Variants in DGCR2 observed in about 807,000 individuals in gnomAD.
DGCR2 encodes the protein DiGeorge syndrome critical region gene 2.
Under a neutral mutation model 51.6 loss-of-function variants are expected in DGCR2, and 24 were observed. That is an observed-to-expected ratio of 0.47 (90% CI 0.34 to 0.65). DGCR2 has a LOEUF of 0.65. Ranked by LOEUF, DGCR2 falls within the 30% of genes least tolerant of loss-of-function variation. The probability of loss-of-function intolerance (pLI) is 0.01; values close to 1 mark genes in which losing one functional copy is unlikely to be tolerated. For synonymous variants in DGCR2, 340 were observed against 315.4 expected, an observed-to-expected ratio of 1.08 and a Z score of -0.82; for missense variants, 765 against 772.1, an observed-to-expected ratio of 0.99 and a Z score of 0.11.
chr22:19,038,750 G>T lies in DGCR2; in HGVS notation c.*115C>A. The T allele has an allele frequency of 7.2e-7, 1 of 1,392,980 alleles. No individual in the cohort carries two copies. Among genetic ancestry groups the T allele is most frequent in the Non-Finnish European group, 9.8e-7 (1 of 1,017,330 alleles). 86.3% of individuals were successfully genotyped at this position (1,392,980 alleles called of 1,614,324 possible). A position where few individuals can be genotyped will look rare whatever the true frequency, so the allele number is the denominator to read the frequency against. Reference sequence around the variant, plus strand: ...GTACACACGCGAGCCCGCCAGTGACGTGCGGCAGTGCGTGGCGTCCAGGCT... The same window carrying T: ...GTACACACGCGAGCCCGCCAGTGACTTGCGGCAGTGCGTGGCGTCCAGGCT... On this transcript the variant is annotated 3_prime_UTR_variant, in exon 10 of 10. Transcript: ENST00000263196.
chr22:19,119,545 G>C (rs1307581229), intron 1 of DGCR2, among the ~76,000 whole-genome samples: 1 of 152,054 alleles, frequency 6.6e-6, no homozygotes, highest in Non-Finnish European at 1.5e-5. Context: ...AGACCAGCCC[G>C]GCCAACATGG....
chr22:19,109,374 A>G (rs1446862805), intron 1 of DGCR2, among the ~76,000 whole-genome samples: 1 of 152,242 alleles, frequency 6.6e-6, no homozygotes, highest in Non-Finnish European at 1.5e-5. Context: ...TACTACTCAC[A>G]ATAACTAAGA....
chr22:19,057,180 G>A lies in DGCR2; in HGVS notation c.626-18C>T, dbSNP rs769052568. 6 of 1,584,512 alleles carry A rather than the reference G, an allele frequency of 3.8e-6. No individual in the cohort carries two copies. Among genetic ancestry groups the A allele is most frequent in the Admixed American group, 1.8e-5 (1 of 55,654 alleles). On this transcript the variant is annotated intron_variant, in intron 5 of 9. Coordinates refer to ENST00000263196, the MANE Select transcript of DGCR2 (RefSeq NM_005137.3). This position sits in a 1 kb window ranked among gnomAD's most constrained non-coding sequence, Gnocchi z 5.1. ...TGAAGAGCCTGTTGGGGAGACAAAA[G>A]GTGGGGCTGGACAACATCACATCAG... is the stretch of plus-strand genomic sequence containing the variant.
intron 1 of DGCR2, among the ~76,000 whole-genome samples, chr22:19,100,778 T>C (rs1203238345): frequency 6.6e-6 from 1 of 152,200 alleles, no homozygotes; most frequent in Admixed American, 6.5e-5. Flanking sequence ...ATGTGGGTTA[T>C]ATCTGTCAAT....
rs563600223 is a variant in DGCR2 at position 19,113,231 on chromosome 22, G to A, written c.79+8897C>T. 3.9e-5 allele frequency among the ~76,000 whole-genome samples: 6 copies of A among 152,060 alleles called. No homozygotes were observed. The South Asian group carries it at 1.0e-3, about 26-fold the overall frequency. ...CTAAAAATACAAAAATTAGCCAGGT[G>A]TGGTGGCGCATGCCTGTAGTTCCAG... On this transcript the variant is annotated intron_variant, in intron 1 of 9. Coordinates refer to ENST00000263196, the MANE Select transcript of DGCR2 (RefSeq NM_005137.3).
In DGCR2 at chr22:19,063,206, G is replaced by C. The variant is rs200855191; in HGVS notation, c.621C>G (p.Phe207Leu). The C allele has an allele frequency of 1.1e-4, 170 of 1,613,944 alleles. No homozygotes were observed. Among genetic ancestry groups the C allele is most frequent in the Non-Finnish European group, 9.2e-5 (108 of 1,179,976 alleles). The change falls in exon 5 of 10, where the codon TTC becomes TTG. Residue 207 changes from phenylalanine to leucine, a missense_variant. Transcript: ENST00000263196. ...CCACACACCAGAAGGGCTCACCTTT[G>C]AATGCCACCTCCCAGCGACCTTCCA... ...RSLEGRWEVAFKGSSEVFLPP... is the reference protein window; with the variant it reads ...RSLEGRWEVALKGSSEVFLPP...
At chr22:19,102,595 A>G (rs373441617) in intron 1 of DGCR2, among the ~76,000 whole-genome samples, 1 of 151,940 alleles carries the variant, frequency 6.6e-6, no homozygotes, top group Non-Finnish European at 1.5e-5. Context: ...CCAGCTACTC[A>G]GGAGGCTGAG....
chr22:19,062,911 T>A (rs569482276), intron 5 of DGCR2, among the ~76,000 whole-genome samples: 11 of 152,110 alleles, frequency 7.2e-5, no homozygotes, highest in Admixed American at 5.2e-4. Flanking sequence ...TGCATGCTCA[T>A]TTTTATACTC....
intron 2 of DGCR2, among the ~76,000 whole-genome samples, chr22:19,074,183 T>TGGGAGA (rs950107114): frequency 1.3e-5 from 2 of 152,094 alleles, no homozygotes; most frequent in Non-Finnish European, 2.9e-5. Context: ...CCCAGAACTT[T>TGGGAGA]GGGAGACCGA....
At chr22:19,062,775 G>GCTCGCGCTCTCGCTCTCTCTGTCTCTCT (rs1491258740) in intron 5 of DGCR2, among the ~76,000 whole-genome samples, 1 of 108,860 alleles carries the variant, frequency 9.2e-6, no homozygotes, top group Non-Finnish European at 1.9e-5. Context: ...ACACATGCAT[G>GCTCGCGCTCTCGCTCTCTCTGTCTCTCT]CTCACTCTCT....
rs1416054063 is a variant in DGCR2, at chr22:19,111,617, T to C, written c.79+10511A>G. 2.0e-5 allele frequency among the ~76,000 whole-genome samples: 3 copies of C among 152,180 alleles called. No homozygotes were observed. The East Asian group carries it at 5.8e-4, about 29-fold the overall frequency. On this transcript the variant is annotated intron_variant, in intron 1 of 9. Coordinates refer to ENST00000263196, the MANE Select transcript of DGCR2 (RefSeq NM_005137.3). Reference sequence around the variant, plus strand: ...AATGAGTCTTGTCAGGTAAAGGGTGTGTAGAACTATACCCAAACTCCCAGG... The same window carrying C: ...AATGAGTCTTGTCAGGTAAAGGGTGCGTAGAACTATACCCAAACTCCCAGG...
chr22:19,060,974 C>T (rs764099612), intron 5 of DGCR2: 1 of 383,988 alleles, frequency 2.6e-6, no homozygotes, highest in Admixed American at 3.1e-5. Flanking sequence ...TATTATACAA[C>T]ACAGAAAAGA....
At chr22:19,063,863 A>C (rs1418110569) in intron 4 of DGCR2, among the ~76,000 whole-genome samples, 2 of 152,188 alleles carry the variant, frequency 1.3e-5, no homozygotes, top group African/African-American at 4.8e-5. Flanking sequence ...ACTATGCTAA[A>C]ACCATAGGAC....
chr22:19,091,231 C>T (rs1038657971), intron 1 of DGCR2, among the ~76,000 whole-genome samples: 2 of 152,104 alleles, frequency 1.3e-5, no homozygotes, highest in Non-Finnish European at 2.9e-5. Context: ...TTGGGACAAA[C>T]GCCTATAGTC....
intron 3 of DGCR2, among the ~76,000 whole-genome samples, chr22:19,067,872 C>T (rs1482906112): frequency 6.6e-6 from 1 of 152,210 alleles, no homozygotes; most frequent in Non-Finnish European, 1.5e-5. Flanking sequence ...TGAGAACAAG[C>T]AGCCTGGCCT....
At chr22:19,120,034 C>A (rs991837977) in intron 1 of DGCR2, among the ~76,000 whole-genome samples, 8 of 152,170 alleles carry the variant, frequency 5.3e-5, no homozygotes, top group Non-Finnish European at 1.2e-4. Context: ...AGGCAGATCC[C>A]TGCAGCACTC....
chr22:19,066,329 A>G (rs1350265307), intron 3 of DGCR2, among the ~76,000 whole-genome samples: 1 of 152,170 alleles, frequency 6.6e-6, no homozygotes, highest in Non-Finnish European at 1.5e-5. Flanking sequence ...TGAGCTCAAA[A>G]AGGCAGAGAC....
rs773109019 is a variant in DGCR2 at position 19,041,964 on chromosome 22, G to C, written c.1007-5C>G. 8.1e-6 allele frequency: 13 copies of C among 1,611,506 alleles called. No individual in the cohort carries two copies. In the East Asian group the frequency reaches 8.9e-5, roughly 11 times the overall value. On this transcript the variant is annotated splice_polypyrimidine_tract_variant and splice_region_variant and intron_variant, in intron 7 of 9. Transcript: ENST00000263196. ...AGTCAAACAGACTGTTGCCATCTGA[G>C]GGGGAGGGGAGGAAATGGCCGCTCT... is the stretch of plus-strand genomic sequence containing the variant.
chr22:19,052,609 C>CA (rs59004460), intron 6 of DGCR2, among the ~76,000 whole-genome samples: 185 of 133,752 alleles, frequency 1.4e-3, no homozygotes, highest in East Asian at 3.7e-3. Flanking sequence ...CCCGCCTCTA[C>CA]AAAAAAAAAA....
Sources: allele counts gnomAD v4.1 joint callset (sites outside exome capture counted in the v4.1 genomes callset), GRCh38; gene constraint gnomAD v4.1.1; non-coding constraint Gnocchi (gnomAD v3.1); transcripts MANE v1.5; gene names NCBI Gene and HGNC (gene_info 2026-07-23, HGNC 2026-07-21).